Variants in RNLS observed in about 807,000 individuals in gnomAD.
The protein encoded by RNLS is renalase, FAD dependent amine oxidase.
Under a neutral mutation model 39.8 loss-of-function variants are expected in RNLS, and 39 were observed. That is an observed-to-expected ratio of 0.98 (90% CI 0.76 to 1.28). The LOEUF (loss-of-function observed/expected upper bound fraction) is 1.28. Ranked by LOEUF, RNLS falls within the 50% of genes most tolerant of loss-of-function variation. The pLI is 0.00. For synonymous variants in RNLS, 147 were observed against 150.7 expected (o/e 0.98, Z 0.18); for missense variants, 410 against 413.3 (o/e 0.99, Z 0.07).
chr10:88,375,643 T>C (rs1850931742), intron 4 of RNLS, among the ~76,000 whole-genome samples: 2 of 152,164 alleles, frequency 1.3e-5, no homozygotes, highest in South Asian at 4.1e-4. Context: ...TGATTTACAC[T>C]CTGGTTTCTA....
Position 88,572,105 on chromosome 10 carries a change from C to A in RNLS, c.526+798G>T, listed in dbSNP as rs555047264. The stretch of plus-strand genomic sequence containing the variant: ...ACCTAAGAAAATCTTAGCTATCCAC[C>A]TCCCCTACTCCCACCTCTGAGAGTA... On this transcript the variant is annotated intron_variant, in intron 4 of 6. Coordinates refer to ENST00000331772, the MANE Select transcript of RNLS (RefSeq NM_001031709.3). Among the ~76,000 whole-genome samples, 8 of 152,174 alleles carry A rather than the reference C, an allele frequency of 5.3e-5. No homozygotes were observed. The East Asian group carries it at 1.5e-3, about 29-fold the overall frequency.
chr10:88,229,913 G>C, the RNLS span, among the ~76,000 whole-genome samples: 1 of 151,966 alleles, frequency 6.6e-6, no homozygotes, highest in Middle Eastern at 3.2e-3. Flanking sequence ...TCCATTTCTT[G>C]GTGGATGGGC....
the RNLS span, among the ~76,000 whole-genome samples, chr10:88,264,898 G>A: frequency 6.6e-6 from 1 of 152,188 alleles, no homozygotes; most frequent in Middle Eastern, 3.2e-3. Context: ...TCTTGGTCAT[G>A]AAGTCTTTGC....
At chr10:88,289,374 T>C (rs1843511964) in intron 6 of RNLS, among the ~76,000 whole-genome samples, 1 of 152,134 alleles carries the variant, frequency 6.6e-6, no homozygotes, top group South Asian at 2.1e-4. Context: ...GTTCTTTTTC[T>C]TGTACTTCTG....
intron 4 of RNLS, among the ~76,000 whole-genome samples, chr10:88,510,547 G>A (rs1349092770): frequency 2.6e-5 from 4 of 151,978 alleles, no homozygotes; most frequent in Non-Finnish European, 1.5e-5. Flanking sequence ...ATCACCAGAG[G>A]TAAAAATAAG....
chr10:88,177,772 G>A, the RNLS span, among the ~76,000 whole-genome samples: 4 of 152,218 alleles, frequency 2.6e-5, no homozygotes, highest in Admixed American at 2.0e-4. Flanking sequence ...CTATAGTGTA[G>A]GTTGGGTAGG....
rs1217903555 is a variant in RNLS, at chr10:88,310,824, A to AAAAAAAAAAAAAAAAAG, written c.876+3641_876+3642insCTTTTTTTTTTTTTTTT. Among the ~76,000 whole-genome samples, 149 of 113,418 alleles carry AAAAAAAAAAAAAAAAAG rather than the reference A, an allele frequency of 1.3e-3. 3 individuals carry two copies. Among genetic ancestry groups the AAAAAAAAAAAAAAAAAG allele is most frequent in the African/African-American group, 3.3e-3 (110 of 33,020 alleles). The allele number at this position is 113,418 out of a possible 152,430, so 74.4% of individuals were successfully genotyped here. On this transcript the variant is annotated intron_variant, in intron 6 of 6. Coordinates refer to ENST00000331772, the MANE Select transcript of RNLS (RefSeq NM_001031709.3). ...GCCAAAAAAAAAAAAAAAAAAAAAA[A>AAAAAAAAAAAAAAAAAG]AAAGAAAGAAAAGGAAGAGAAAAGG...
At chr10:88,280,688 G>A (rs971033370), downstream of RNLS, among the ~76,000 whole-genome samples, 1 of 152,138 alleles carries the variant, frequency 6.6e-6, no homozygotes, top group East Asian at 1.9e-4. Flanking sequence ...GGGTGAGGCT[G>A]TGTTCCAATA....
chr10:88,520,148 G>T (rs1328905436), intron 4 of RNLS, among the ~76,000 whole-genome samples: 1 of 151,940 alleles, frequency 6.6e-6, no homozygotes, highest in Non-Finnish European at 1.5e-5. Flanking sequence ...AAGAGGTACT[G>T]CTCCAAAGGC....
intron 4 of RNLS, among the ~76,000 whole-genome samples, chr10:88,526,965 A>G (rs1847138414): frequency 6.6e-6 from 1 of 150,720 alleles, no homozygotes; most frequent in South Asian, 2.1e-4. Context: ...GGTGAGGGGT[A>G]GAAAAGAAAA....
At position 88,284,760 on chromosome 10, in the gene RNLS, T is replaced by C. The variant is rs372154987; in HGVS notation, c.*594A>G. On this transcript the variant is annotated 3_prime_UTR_variant, in exon 7 of 7. Transcript: ENST00000331772. Reference sequence around the variant, plus strand: ...TGTGGAATCTTATACTTTCTGAAAATCTGAAGGAAGGTCTCTTTATCAGTC... The same window carrying C: ...TGTGGAATCTTATACTTTCTGAAAACCTGAAGGAAGGTCTCTTTATCAGTC... 23 of 985,334 alleles carry C rather than the reference T, an allele frequency of 2.3e-5. No individual in the cohort carries two copies. The highest frequency in any genetic ancestry group is 5.2e-4 in the Middle Eastern group (1 of 1,914). 61.0% of individuals were successfully genotyped at this position (985,334 alleles called of 1,614,324 possible).
intron 4 of RNLS, among the ~76,000 whole-genome samples, chr10:88,551,674 G>A (rs1030976316): frequency 2.0e-5 from 3 of 151,428 alleles, no homozygotes; most frequent in Admixed American, 6.6e-5. Context: ...TGGAGAAAAT[G>A]ACTGGTTGCA....
At chr10:88,541,558 C>G (rs1281039079) in intron 4 of RNLS, among the ~76,000 whole-genome samples, 1 of 152,176 alleles carries the variant, frequency 6.6e-6, no homozygotes, top group Non-Finnish European at 1.5e-5. Context: ...ATGAACCTCT[C>G]TAGACTGTTC....
In RNLS at chr10:88,335,621, A is replaced by G. The variant is rs149389386; in HGVS notation, c.701-20980T>C. Among the ~76,000 whole-genome samples the G allele has an allele frequency of 5.0e-3, 756 of 152,324 alleles. 2 individuals are homozygous for G. Among genetic ancestry groups the G allele is most frequent in the Middle Eastern group, 0.031 (9 of 294 alleles). On this transcript the variant is annotated intron_variant, in intron 5 of 6. Transcript: ENST00000331772. ...GTGGCTAAGAGCTGCCTCATTAGCT[A>G]TATTAGTTCATTAGACAAAGACACA...
At chr10:88,483,601 G>T (rs1166858126) in intron 4 of RNLS, among the ~76,000 whole-genome samples, 1 of 151,766 alleles carries the variant, frequency 6.6e-6, no homozygotes, top group Admixed American at 6.6e-5. Context: ...GTCTTTCTTG[G>T]TACTCTTAAT....
At chr10:88,517,644 T>C (rs1230953672) in intron 4 of RNLS, among the ~76,000 whole-genome samples, 1 of 151,922 alleles carries the variant, frequency 6.6e-6, no homozygotes, top group African/African-American at 2.4e-5. Flanking sequence ...AATTTTAAGA[T>C]AATCTTTCAA....
intron 4 of RNLS, among the ~76,000 whole-genome samples, chr10:88,482,671 T>C (rs1006420610): frequency 6.6e-6 from 1 of 152,168 alleles, no homozygotes; most frequent in African/African-American, 2.4e-5. Flanking sequence ...CAGAGGCAAT[T>C]TCTATGATAA....
intron 6 of RNLS, among the ~76,000 whole-genome samples, chr10:88,291,982 T>C (rs1461499240): frequency 6.6e-6 from 1 of 152,112 alleles, no homozygotes; most frequent in Non-Finnish European, 1.5e-5. Flanking sequence ...GCTAAAAATA[T>C]CAGGGCTTGT....
chr10:88,395,957 A>T (rs1295097488), intron 4 of RNLS, among the ~76,000 whole-genome samples: 1 of 152,096 alleles, frequency 6.6e-6, no homozygotes, highest in African/African-American at 2.4e-5. Context: ...CTGAGAGAAA[A>T]AAACATCTAC....
Sources: gnomAD v4.1 joint callset for allele counts (sites outside exome capture counted in the v4.1 genomes callset) on GRCh38, gnomAD v4.1.1 for gene constraint, MANE v1.5 for transcripts, NCBI Gene and HGNC (gene_info 2026-07-23, HGNC 2026-07-21) for gene names.